Variants in GUCA1C observed in about 807,000 individuals in gnomAD.
GUCA1C encodes guanylate cyclase activator 1C.
In GUCA1C, 15 loss-of-function variants were observed where a neutral mutation model predicts 16.2. The ratio of observed to expected loss-of-function variants is 0.93; its 90% CI spans 0.62 to 1.43. GUCA1C has a LOEUF of 1.43. GUCA1C is among the 40% of genes most tolerant of loss of function. The probability of loss-of-function intolerance (pLI) is 0.00; values close to 1 mark genes in which losing one functional copy is unlikely to be tolerated. For synonymous variants in GUCA1C, 78 were observed against 85.4 expected, an observed-to-expected ratio of 0.91 and a Z score of 0.48; for missense variants, 275 against 244.8, an observed-to-expected ratio of 1.12 and a Z score of -0.82.
chr3:108,927,989 G>T (rs1256248368), intron 1 of GUCA1C, among the ~76,000 whole-genome samples: 1 of 152,206 alleles, frequency 6.6e-6, no homozygotes, highest in African/African-American at 2.4e-5. Flanking sequence ...TTGCTCTTCT[G>T]GGTCTAGTCA....
chr3:108,919,042 T>C (rs376222489), intron 2 of GUCA1C, among the ~76,000 whole-genome samples: 111 of 152,258 alleles, frequency 7.3e-4, no homozygotes, highest in African/African-American at 2.6e-3. Flanking sequence ...ATTACCACAT[T>C]TCCCGGAATG....
intron 2 of GUCA1C, among the ~76,000 whole-genome samples, chr3:108,916,616 G>C (rs553076056): frequency 7.9e-5 from 12 of 152,190 alleles, no homozygotes; most frequent in Admixed American, 6.5e-4. Flanking sequence ...CCACAATGCT[G>C]TAAGAGTCTC....
At chr3:108,950,622 T>C (rs999036905) in intron 1 of GUCA1C, among the ~76,000 whole-genome samples, 5 of 152,236 alleles carry the variant, frequency 3.3e-5, no homozygotes, top group Admixed American at 6.5e-5. Flanking sequence ...AAAAATATTA[T>C]TATAAATTTT....
chr3:108,932,038 G>A (rs1462492132), intron 1 of GUCA1C, among the ~76,000 whole-genome samples: 2 of 151,546 alleles, frequency 1.3e-5, no homozygotes, highest in Non-Finnish European at 2.9e-5. Context: ...TTTTAGTAGA[G>A]ACGGGGTTTC....
intron 1 of GUCA1C, among the ~76,000 whole-genome samples, chr3:108,944,030 T>C (rs1416179511): frequency 1.3e-5 from 2 of 151,990 alleles, no homozygotes; most frequent in Non-Finnish European, 2.9e-5. Context: ...ATATAAAGTC[T>C]GTGGACAAAA....
chr3:108,924,206 G>A (rs570619867), intron 1 of GUCA1C, among the ~76,000 whole-genome samples: 2 of 152,256 alleles, frequency 1.3e-5, no homozygotes, highest in South Asian at 4.1e-4. Context: ...AGTGGTGAAA[G>A]TGGGCATCTT....
chr3:108,949,133 C>CCA (rs1292208340), intron 1 of GUCA1C, among the ~76,000 whole-genome samples: 1 of 152,168 alleles, frequency 6.6e-6, no homozygotes, highest in African/African-American at 2.4e-5. Context: ...CAGGCATGAG[C>CCA]CACTGCAGTG....
chr3:108,945,741 C>G (rs1469646236), intron 1 of GUCA1C, among the ~76,000 whole-genome samples: 1 of 152,124 alleles, frequency 6.6e-6, no homozygotes, highest in Non-Finnish European at 1.5e-5. Context: ...ATTAAAAACA[C>G]TGAACTTGTG....
chr3:108,950,366 A>C lies in GUCA1C; in HGVS notation c.204+3193T>G, dbSNP rs1055543081. On this transcript the variant is annotated intron_variant, in intron 1 of 3. Coordinates refer to ENST00000261047, the MANE Select transcript of GUCA1C (RefSeq NM_005459.4). ...GTGCTGCAATAAACATGGAGTGCAG[A>C]TAACCTTTCAACATACTGTTTCCAT... Among the ~76,000 whole-genome samples, 26 of 152,200 alleles carry C rather than the reference A, an allele frequency of 1.7e-4. 1 individual carries two copies. The highest frequency in any genetic ancestry group is 1.7e-3 in the Admixed American group (26 of 15,280).
intron 2 of GUCA1C, among the ~76,000 whole-genome samples, chr3:108,917,873 C>A (rs1946533245): frequency 6.6e-6 from 1 of 151,976 alleles, no homozygotes; most frequent in Non-Finnish European, 1.5e-5. Flanking sequence ...GGTGAAACCC[C>A]GTTTCTACTA....
In GUCA1C at chr3:108,916,108, T is replaced by A; in HGVS notation, c.442+19A>T. On this transcript the variant is annotated intron_variant, in intron 3 of 3. Transcript: ENST00000261047. ...CTACTTTGTAGGAAAAGTGATCCAG[T>A]AGAGAGTAGCTCCATTACCATCATT... is the stretch of plus-strand genomic sequence containing the variant. 10 of 1,612,656 alleles carry A rather than the reference T, an allele frequency of 6.2e-6. No individual in the cohort carries two copies. Among genetic ancestry groups the A allele is most frequent in the Non-Finnish European group, 8.5e-6 (10 of 1,179,174 alleles).
At chr3:108,923,321 A>T (rs947653835) in intron 1 of GUCA1C, among the ~76,000 whole-genome samples, 8 of 152,060 alleles carry the variant, frequency 5.3e-5, no homozygotes, top group Admixed American at 5.2e-4. Flanking sequence ...TAAGTCTTTG[A>T]TCCATCTTGA....
intron 1 of GUCA1C, among the ~76,000 whole-genome samples, chr3:108,939,057 T>G (rs536702644): frequency 3.0e-4 from 45 of 152,270 alleles, no homozygotes; most frequent in African/African-American, 1.0e-3. Flanking sequence ...ACAGTAGCCT[T>G]TTGCAAGGAA....
chr3:108,915,148 C>T (rs1413136606), intron 3 of GUCA1C, among the ~76,000 whole-genome samples: 1 of 152,210 alleles, frequency 6.6e-6, no homozygotes, highest in Non-Finnish European at 1.5e-5. Flanking sequence ...TCCTGCCACG[C>T]TGAGCTGCCA....
chr3:108,944,866 A>C (rs998134849), intron 1 of GUCA1C, among the ~76,000 whole-genome samples: 1 of 152,132 alleles, frequency 6.6e-6, no homozygotes, highest in Admixed American at 6.5e-5. Flanking sequence ...ATATTTCTGT[A>C]CTGTTGTTTC....
intron 1 of GUCA1C, among the ~76,000 whole-genome samples, chr3:108,940,151 G>A (rs893911474): frequency 3.3e-5 from 5 of 152,176 alleles, no homozygotes; most frequent in Admixed American, 1.3e-4. Flanking sequence ...CACAACAAAT[G>A]CTTCCTGAGA....
chr3:108,931,133 G>A (rs1326818060), intron 1 of GUCA1C, among the ~76,000 whole-genome samples: 1 of 152,136 alleles, frequency 6.6e-6, no homozygotes, highest in Non-Finnish European at 1.5e-5. Flanking sequence ...AGCCTGGCTT[G>A]TTATTAAGTT....
At chr3:108,928,308 T>C (rs933737115) in intron 1 of GUCA1C, among the ~76,000 whole-genome samples, 2 of 152,228 alleles carry the variant, frequency 1.3e-5, no homozygotes, top group Non-Finnish European at 2.9e-5. Flanking sequence ...CTTCTTATTG[T>C]TGAGTTTTAG....
At chr3:108,953,488 G>GAAAAAA (rs11330501) in intron 1 of GUCA1C, 71 bp downstream of exon 1, 4 of 874,544 alleles carry the variant, frequency 4.6e-6, no homozygotes, top group Non-Finnish European at 7.1e-6. Flanking sequence ...TATTTTACAG[G>GAAAAAA]AAAAAAAAAA....
Sources: allele counts gnomAD v4.1 joint callset (sites outside exome capture counted in the v4.1 genomes callset), GRCh38; gene constraint gnomAD v4.1.1; transcripts MANE v1.5; gene names NCBI Gene and HGNC (gene_info 2026-07-23, HGNC 2026-07-21).